The following ZNF385D variants were observed in gnomAD, a reference collection of about 807,000 sequenced individuals.
ZNF385D encodes zinc finger protein 385D, also known as zinc finger protein 659.
ZNF385D carries 15 observed loss-of-function variants against 35.8 expected under a neutral mutation model. That is an observed-to-expected ratio of 0.42 (90% CI 0.28 to 0.64). The LOEUF is 0.64. ZNF385D is among the 30% of genes least tolerant of loss of function. ZNF385D has a pLI of 0.23. For synonymous variants in ZNF385D, 212 were observed against 186.8 expected (o/e 1.13, Z -1.10); for missense variants, 474 against 494.6 (o/e 0.96, Z 0.39).
chr3:21,559,799 A>G (rs971933979), intron 3 of ZNF385D, among the ~76,000 whole-genome samples: 7 of 152,214 alleles, frequency 4.6e-5, no homozygotes, highest in South Asian at 2.1e-4. Flanking sequence ...AGGTACACCA[A>G]TCAAACGTAG....
intron 3 of ZNF385D, among the ~76,000 whole-genome samples, chr3:22,042,826 C>T (rs1022858360): frequency 9.2e-5 from 14 of 152,150 alleles, no homozygotes; most frequent in African/African-American, 2.9e-4. Context: ...TGCCTGATCT[C>T]GACGTGTTTG....
chr3:21,723,169 G>C (rs1188792788), intron 1 of ZNF385D, among the ~76,000 whole-genome samples: 4 of 152,160 alleles, frequency 2.6e-5, no homozygotes, highest in Non-Finnish European at 5.9e-5. Flanking sequence ...AAGACGAAAG[G>C]TAGATAAATC....
At chr3:22,207,664 C>G (rs1486604664) in intron 2 of ZNF385D, among the ~76,000 whole-genome samples, 1 of 151,730 alleles carries the variant, frequency 6.6e-6, no homozygotes, top group Admixed American at 6.6e-5. Flanking sequence ...ATCAACAGAA[C>G]AGGAGACAAA....
intron 2 of ZNF385D, among the ~76,000 whole-genome samples, chr3:22,224,828 C>G (rs1698461058): frequency 6.6e-6 from 1 of 152,162 alleles, no homozygotes; most frequent in Non-Finnish European, 1.5e-5. Context: ...GCGTGGGGCA[C>G]CATGGACCCA....
chr3:21,873,433 A>G (rs2125850649), intron 3 of ZNF385D, among the ~76,000 whole-genome samples: 1 of 152,240 alleles, frequency 6.6e-6, no homozygotes, highest in African/African-American at 2.4e-5. Context: ...ATAATACTCT[A>G]CATTTTTTCT....
At chr3:22,215,821 C>A (rs755442357) in intron 2 of ZNF385D, among the ~76,000 whole-genome samples, 1 of 151,938 alleles carries the variant, frequency 6.6e-6, no homozygotes, top group Non-Finnish European at 1.5e-5. Context: ...AGGGGCATCA[C>A]GGAACCTGCC....
intron 4 of ZNF385D, among the ~76,000 whole-genome samples, chr3:21,460,117 T>A (rs1467028663): frequency 6.6e-6 from 1 of 152,222 alleles, no homozygotes. Flanking sequence ...TACATAAGAA[T>A]TCTCCAAAGA....
chr3:22,318,938 A>G, intron 2 of ZNF385D, among the ~76,000 whole-genome samples: 1 of 152,188 alleles, frequency 6.6e-6, no homozygotes, highest in East Asian at 1.9e-4. Flanking sequence ...CCTAGAATGC[A>G]TTTTTTGAGA....
rs1009541365 is a variant in ZNF385D at position 21,751,206 on chromosome 3, G to C, written c.-290C>G. 2.2e-6 allele frequency: 3 copies of C among 1,338,960 alleles called. No individual in the cohort carries two copies. The highest frequency in any genetic ancestry group is 2.9e-6 in the Non-Finnish European group (3 of 1,040,814). The allele number at this position is 1,338,960 out of a possible 1,614,324, so 82.9% of individuals were successfully genotyped here. A position where few individuals can be genotyped will look rare whatever the true frequency, so the allele number is the denominator to read the frequency against. On this transcript the variant is annotated 5_prime_UTR_variant, in exon 1 of 8. Coordinates refer to ENST00000281523, the MANE Select transcript of ZNF385D (RefSeq NM_024697.3). ...TGTCCTTGCCGCGCCTGTGACATCA[G>C]GACTGAGAGTACTACAAGCAGACCC...
At chr3:21,797,907 T>C (rs138719777) in intron 3 of ZNF385D, among the ~76,000 whole-genome samples, 11 of 152,318 alleles carry the variant, frequency 7.2e-5, no homozygotes, top group African/African-American at 2.6e-4. Context: ...AAATACCCCA[T>C]ATAATGCCAT....
At chr3:21,501,704 T>C (rs890901429) in intron 4 of ZNF385D, among the ~76,000 whole-genome samples, 3 of 152,208 alleles carry the variant, frequency 2.0e-5, no homozygotes, top group Non-Finnish European at 4.4e-5. Flanking sequence ...AGAATCATTT[T>C]TTTGCAGTTG....
In ZNF385D at chr3:21,418,947, C is replaced by A. The variant is rs900344475; in HGVS notation, c.*2267G>T. The A allele has an allele frequency of 1.3e-5, 2 of 152,144 alleles. No individual in the cohort carries two copies. Among genetic ancestry groups the A allele is most frequent in the African/African-American group, 2.4e-5 (1 of 41,440 alleles). The allele number at this position is 152,144 out of a possible 1,614,324, so 9.4% of individuals were successfully genotyped here. A position where few individuals can be genotyped will look rare whatever the true frequency, so the allele number is the denominator to read the frequency against. On this transcript the variant is annotated 3_prime_UTR_variant, in exon 8 of 8. Coordinates refer to ENST00000281523, the MANE Select transcript of ZNF385D (RefSeq NM_024697.3). Reference sequence around the variant, plus strand: ...GACTTATGGGCAACTATCCACCTGGCTGAACTACCAGGGTCTGTAGGTGAA... The same window carrying A: ...GACTTATGGGCAACTATCCACCTGGATGAACTACCAGGGTCTGTAGGTGAA...
chr3:21,804,598 G>C (rs2072552505), intron 3 of ZNF385D, among the ~76,000 whole-genome samples: 1 of 152,186 alleles, frequency 6.6e-6, no homozygotes, highest in Non-Finnish European at 1.5e-5. Context: ...ATTTATGCAA[G>C]AAAACAAGGG....
intron 4 of ZNF385D, among the ~76,000 whole-genome samples, chr3:21,480,499 G>A (rs1464718023): frequency 6.6e-6 from 1 of 152,040 alleles, no homozygotes; most frequent in African/African-American, 2.4e-5. Flanking sequence ...AAGGCCTCCT[G>A]TCACTCAATA....
intron 3 of ZNF385D, among the ~76,000 whole-genome samples, chr3:21,796,438 T>C (rs1407943550): frequency 6.6e-6 from 1 of 152,184 alleles, no homozygotes; most frequent in Non-Finnish European, 1.5e-5. Context: ...TAGACATCAC[T>C]ACCAAGTGGG....
chr3:21,949,710 C>A (rs1467727181), intron 3 of ZNF385D, among the ~76,000 whole-genome samples: 3 of 152,014 alleles, frequency 2.0e-5, no homozygotes, highest in Non-Finnish European at 4.4e-5. Flanking sequence ...TCCCCTAGTC[C>A]CTCACCAGCC....
intron 3 of ZNF385D, among the ~76,000 whole-genome samples, chr3:21,887,290 C>G (rs1050904487): frequency 6.6e-6 from 1 of 151,988 alleles, no homozygotes; most frequent in Non-Finnish European, 1.5e-5. Context: ...TTATCTACTA[C>G]CAATAATTAA....
At chr3:22,047,883 T>G (rs1215833316) in intron 3 of ZNF385D, among the ~76,000 whole-genome samples, 1 of 152,194 alleles carries the variant, frequency 6.6e-6, no homozygotes, top group Non-Finnish European at 1.5e-5. Context: ...AAGGCTTCCC[T>G]TTTAACACTT....
chr3:21,501,605 T>C (rs1056198683), intron 4 of ZNF385D, among the ~76,000 whole-genome samples: 5 of 152,272 alleles, frequency 3.3e-5, no homozygotes, highest in African/African-American at 1.2e-4. Context: ...TCTCTAATTG[T>C]CTGCATGTTT....
Sources: allele counts gnomAD v4.1 joint callset (sites outside exome capture counted in the v4.1 genomes callset), GRCh38; gene constraint gnomAD v4.1.1; transcripts MANE v1.5; gene names NCBI Gene and HGNC (gene_info 2026-07-23, HGNC 2026-07-21).